The following MRTO4 variants were observed in gnomAD, a reference collection of about 807,000 sequenced individuals.
MRTO4 encodes MRT4 homolog, ribosome maturation factor.
A neutral mutation model predicts 28.6 loss-of-function variants in MRTO4; 7 were observed. That is an observed-to-expected ratio of 0.24 (90% CI 0.14 to 0.46). The LOEUF (loss-of-function observed/expected upper bound fraction) is 0.46. Ranked by LOEUF, MRTO4 falls within the 20% of genes least tolerant of loss-of-function variation. MRTO4 has a pLI of 0.99. For synonymous variants in MRTO4, 113 were observed against 108.2 expected, an observed-to-expected ratio of 1.04 and a Z score of -0.27; for missense variants, 302 against 298.3, an observed-to-expected ratio of 1.01 and a Z score of -0.09.
intron 5 of MRTO4, 81 bp from the exon 6 acceptor site, chr1:19,257,752 C>G: frequency 6.4e-7 from 1 of 1,557,966 alleles, no homozygotes; most frequent in East Asian, 2.2e-5. Flanking sequence ...CCCAGGGCCA[C>G]GGGACACTTG....
Position 19,255,984 on chromosome 1 carries a change from A to ATC in MRTO4, c.126_127dup (p.Phe43SerfsTer7). The ATC allele has an allele frequency of 6.2e-7, 1 of 1,613,824 alleles. No individual in the cohort carries two copies. Among genetic ancestry groups the ATC allele is most frequent in the Non-Finnish European group, 8.5e-7 (1 of 1,179,952 alleles). On this transcript the variant is annotated frameshift_variant, in exon 3 of 8. Transcript: ENST00000330263. LOFTEE classifies it high-confidence loss of function. The stretch of plus-strand genomic sequence containing the variant: ...TGTGGACACCTACAAGTACCTTTTC[A>ATC]TCTTCTCTGTGGCCAACATGAGGAA...
chr1:19,258,875 C>T lies in MRTO4; in HGVS notation c.*45C>T, dbSNP rs373879540. ...GTCTCCTGGAAGCTTCTGGGTCTCA[C>T]TGGACCATCAGGACTGCTGCCGCCC... On this transcript the variant is annotated 3_prime_UTR_variant, in exon 8 of 8. Coordinates refer to ENST00000330263, the MANE Select transcript of MRTO4 (RefSeq NM_016183.4). The T allele has an allele frequency of 6.3e-6, 10 of 1,596,878 alleles. No homozygotes were observed. In the African/African-American group the frequency reaches 1.1e-4, roughly 17 times the overall value.
intron 4 of MRTO4, 80 bp from the exon 5 acceptor site, chr1:19,257,374 T>G: frequency 6.6e-7 from 1 of 1,519,696 alleles, no homozygotes; most frequent in Non-Finnish European, 9.1e-7. Flanking sequence ...TGTTGCCAAA[T>G]GTACCCGGTG....
chr1:19,251,826 A>C lies in MRTO4; in HGVS notation c.-10A>C. On this transcript the variant is annotated 5_prime_UTR_variant, in exon 1 of 8. Transcript: ENST00000330263. Reference sequence around the variant, plus strand: ...GTGCACCGTCTTCCGCCGCACGTGGATTCAGCGCGATGCCCAAATCCAAGC... The same window carrying C: ...GTGCACCGTCTTCCGCCGCACGTGGCTTCAGCGCGATGCCCAAATCCAAGC... 1 of 1,577,338 alleles carries C rather than the reference A, an allele frequency of 6.3e-7. No individual in the cohort carries two copies. The highest frequency in any genetic ancestry group is 8.6e-7 in the Non-Finnish European group (1 of 1,162,622).
At chr1:19,258,376 G>A in intron 6 of MRTO4, 101 bp from the exon 7 acceptor site, 1 of 1,395,902 alleles carries the variant, frequency 7.2e-7, no homozygotes. Flanking sequence ...GAGCCGTGGG[G>A]AGGGCAGGTG....
At position 19,251,866 on chromosome 1, in the gene MRTO4, G is replaced by A. The variant is rs924132908; in HGVS notation, c.28+3G>A. On this transcript the variant is annotated splice_donor_region_variant and intron_variant, in intron 1 of 7. Transcript: ENST00000330263. ...CAAATCCAAGCGCGACAAGAAAGGT[G>A]GGCGAAGGGGGAGTCGGGACCCTGG... The A allele has an allele frequency of 2.5e-6, 4 of 1,591,602 alleles. No individual in the cohort carries two copies. In the African/African-American group the frequency reaches 4.0e-5, roughly 16 times the overall value.
chr1:19,252,641 A>G (rs891889388), intron 1 of MRTO4, among the ~76,000 whole-genome samples: 3 of 151,674 alleles, frequency 2.0e-5, no homozygotes, highest in East Asian at 2.0e-4. Flanking sequence ...GGAGGTTGCA[A>G]TGAGCCGAGA....
In MRTO4 at chr1:19,254,785, C is replaced by G. The variant is rs761677032; in HGVS notation, c.32C>G (p.Ser11Cys). ...CTCTCCTTTTTGTTTTTATTAGTCTCCTTAACCAAAACTGCCAAGAAAGGC... is the reference window on the plus strand; with the variant it reads ...CTCTCCTTTTTGTTTTTATTAGTCTGCTTAACCAAAACTGCCAAGAAAGGC... The part of the protein sequence containing the change: MPKSKRDKKV[S>C]LTKTAKKGLE... The change falls in exon 2 of 8, where the codon TCC (serine) becomes TGC (cysteine). Residue 11 changes from serine to cysteine, a missense_variant. Coordinates refer to ENST00000330263, the MANE Select transcript of MRTO4 (RefSeq NM_016183.4). 6.2e-7 allele frequency: 1 copy of G among 1,612,258 alleles called. No individual in the cohort carries two copies. The highest frequency in any genetic ancestry group is 2.2e-5 in the East Asian group (1 of 44,876).
Position 19,258,564 on chromosome 1 carries a change from C to T in MRTO4, c.570+11C>T, listed in dbSNP as rs201346279. 1.1e-5 allele frequency: 17 copies of T among 1,614,042 alleles called. No homozygotes were observed. Among genetic ancestry groups the T allele is most frequent in the African/African-American group, 8.0e-5 (6 of 75,060 alleles). ...CAGGCTCGCGTCCTGGTGAGTCTGG[C>T]GCCTTGCGGGCTGTTGCGGGCGGGG... On this transcript the variant is annotated intron_variant, in intron 7 of 7. Coordinates refer to ENST00000330263, the MANE Select transcript of MRTO4 (RefSeq NM_016183.4).
chr1:19,258,570 G>A lies in MRTO4; in HGVS notation c.570+17G>A. On this transcript the variant is annotated intron_variant, in intron 7 of 7. Coordinates refer to ENST00000330263, the MANE Select transcript of MRTO4 (RefSeq NM_016183.4). Reference sequence around the variant, plus strand: ...CGCGTCCTGGTGAGTCTGGCGCCTTGCGGGCTGTTGCGGGCGGGGTTGCTG... The same window carrying A: ...CGCGTCCTGGTGAGTCTGGCGCCTTACGGGCTGTTGCGGGCGGGGTTGCTG... The A allele has an allele frequency of 1.2e-6, 2 of 1,614,022 alleles. No individual in the cohort carries two copies. Among genetic ancestry groups the A allele is most frequent in the Non-Finnish European group, 1.7e-6 (2 of 1,180,034 alleles).
chr1:19,257,590 G>A (rs1397083151), intron 5 of MRTO4, 69 bp downstream of exon 5: 4 of 1,576,680 alleles, frequency 2.5e-6, no homozygotes, highest in African/African-American at 1.4e-5. Flanking sequence ...AATGATGCAG[G>A]AACTTCGTTC....
chr1:19,254,396 CA>C (rs1334631086), intron 1 of MRTO4, among the ~76,000 whole-genome samples: 17 of 142,904 alleles, frequency 1.2e-4, no homozygotes, highest in Non-Finnish European at 2.0e-4. Context: ...GACCCCATGT[CA>C]AAAAAAAAAC....
Position 19,257,631 on chromosome 1 carries a change from G to A in MRTO4, c.341+110G>A, listed in dbSNP as rs949570816. On this transcript the variant is annotated intron_variant, in intron 5 of 7. Coordinates refer to ENST00000330263, the MANE Select transcript of MRTO4 (RefSeq NM_016183.4). ...GTGGCATCAAGTTGGAACTGCTCCT[G>A]GAAGCCTGTCACTGAGCTAGTGGCC... The A allele has an allele frequency of 5.6e-6, 8 of 1,439,508 alleles. No individual in the cohort carries two copies. In the Admixed American group the frequency reaches 8.5e-5, roughly 15 times the overall value. The allele number at this position is 1,439,508 out of a possible 1,614,324, so 89.2% of individuals were successfully genotyped here.
rs2093661742 is a variant in MRTO4 at position 19,251,995 on chromosome 1, C to T, written c.28+132C>T. On this transcript the variant is annotated intron_variant, in intron 1 of 7. Transcript: ENST00000330263. ...ATCCTCGAGGTGTTCCGCTGCCTCGCTGCGAGCTGGAATGGGGGCTTCGGG... is the reference window on the plus strand; with the variant it reads ...ATCCTCGAGGTGTTCCGCTGCCTCGTTGCGAGCTGGAATGGGGGCTTCGGG... The T allele has an allele frequency of 5.3e-6, 7 of 1,315,504 alleles. No individual in the cohort carries two copies. The South Asian group carries it at 7.0e-5, about 13-fold the overall frequency. The allele number at this position is 1,315,504 out of a possible 1,614,324, so 81.5% of individuals were successfully genotyped here.
rs765596546 is a variant in MRTO4, at chr1:19,256,034, C to T, written c.174C>T (p.Asn58=). Residue 58 remains asparagine, a synonymous_variant, in exon 3 of 8, where the codon AAC becomes AAT. Transcript: ENST00000330263. Reference sequence around the variant, plus strand: ...ACAGCAAGCTGAAGGACATCCGGAACGCCTGGAAGCACAGCCGGTGAGCGG... The same window carrying T: ...ACAGCAAGCTGAAGGACATCCGGAATGCCTGGAAGCACAGCCGGTGAGCGG... ...MRNSKLKDIR[N]AWKHSRMFFG... is the part of the protein sequence containing the mutation. 2.8e-5 allele frequency: 45 copies of T among 1,613,972 alleles called. No individual in the cohort carries two copies. In the East Asian group the frequency reaches 8.7e-4, roughly 31 times the overall value.
chr1:19,252,004 G>A, intron 1 of MRTO4, 141 bp downstream of exon 1: 1 of 1,246,668 alleles, frequency 8.0e-7, no homozygotes, highest in Non-Finnish European at 1.1e-6. Flanking sequence ...GCTGCGAGCT[G>A]GAATGGGGGC....
chr1:19,257,417 CT>C (rs2093673088), intron 4 of MRTO4, 36 bp from the exon 5 acceptor site: 2 of 1,612,270 alleles, frequency 1.2e-6, no homozygotes, highest in Non-Finnish European at 1.7e-6. Context: ...AACCACTGCT[CT>C]AATGTGACCA....
Position 19,258,913 on chromosome 1 carries a change from C to T in MRTO4, c.*83C>T. The T allele has an allele frequency of 6.9e-7, 1 of 1,453,934 alleles. No individual in the cohort carries two copies. Among genetic ancestry groups the T allele is most frequent in the Non-Finnish European group, 9.2e-7 (1 of 1,087,454 alleles). 90.1% of individuals were successfully genotyped at this position (1,453,934 alleles called of 1,614,324 possible). A position where few individuals can be genotyped will look rare whatever the true frequency, so the allele number is the denominator to read the frequency against. ...ACTGCTGCCGCCCCTCTGGAGAGAG[C>T]AGCTTTTTATTTGTCTGTAGACAGG... is the stretch of plus-strand genomic sequence containing the variant. On this transcript the variant is annotated 3_prime_UTR_variant, in exon 8 of 8. Transcript: ENST00000330263.
intron 1 of MRTO4, among the ~76,000 whole-genome samples, chr1:19,252,407 A>T (rs547731263): frequency 5.3e-5 from 8 of 152,268 alleles, no homozygotes; most frequent in Admixed American, 3.9e-4. Flanking sequence ...GCGCGATCGT[A>T]ACACTGCAGG....
Sources: gnomAD v4.1 joint callset for allele counts (sites outside exome capture counted in the v4.1 genomes callset) on GRCh38, gnomAD v4.1.1 for gene constraint, MANE v1.5 for transcripts, NCBI Gene and HGNC (gene_info 2026-07-23, HGNC 2026-07-21) for gene names.